LPP: variants seen among roughly 807,000 people sequenced by gnomAD.
LPP encodes lipoma-preferred partner.
LPP carries 38 observed loss-of-function variants against 60.4 expected under a neutral mutation model. The observed-to-expected ratio is 0.63, with a 90% CI of 0.49 to 0.83. The LOEUF is 0.83. LPP is among the 40% of genes least tolerant of loss of function. The pLI is 0.00. For synonymous variants in LPP, 328 were observed against 290.8 expected (o/e 1.13, Z -1.30); for missense variants, 902 against 783.6 (o/e 1.15, Z -1.80).
rs1458850317 is a variant in LPP at position 188,441,390 on chromosome 3, T to A, written c.193+35077T>A. Among the ~76,000 whole-genome samples the A allele has an allele frequency of 3.9e-5, 6 of 152,084 alleles. No homozygotes were observed. The South Asian group carries it at 6.2e-4, about 16-fold the overall frequency. The stretch of plus-strand genomic sequence containing the variant: ...TGAATGTTTATGTATTCTTTTGTAG[T>A]GTTGCTTACGTTTTAAATAAAAATA... On this transcript the variant is annotated intron_variant, in intron 4 of 11. Transcript: ENST00000617246.
chr3:188,243,917 G>T (rs372433698), intron 2 of LPP, among the ~76,000 whole-genome samples: 2 of 151,538 alleles, frequency 1.3e-5, no homozygotes, highest in East Asian at 1.9e-4. Flanking sequence ...GCTCTGTCGC[G>T]CAGGCTGGAG....
rs1805782091 is a variant in LPP at position 188,484,591 on chromosome 3, G to C, written c.194-1G>C. On this transcript the variant is annotated splice_acceptor_variant, in intron 4 of 11. Coordinates refer to ENST00000617246, the MANE Select transcript of LPP (RefSeq NM_001375462.1). LOFTEE classifies it high-confidence loss of function. ...TCATGTTGTTTACTTCTTTTCTGTA[G>C]GTGATTTTCTTCCACCCCCACCTCC... The C allele has an allele frequency of 6.2e-7, 1 of 1,602,922 alleles. No individual in the cohort carries two copies. The highest frequency in any genetic ancestry group is 1.1e-5 in the South Asian group (1 of 90,682).
chr3:188,888,416 C>T lies in LPP; in HGVS notation c.*13937C>T. 1 of 227,088 alleles carries T rather than the reference C, an allele frequency of 4.4e-6. No individual in the cohort carries two copies. 14.1% of individuals were successfully genotyped at this position (227,088 alleles called of 1,614,324 possible). On this transcript the variant is annotated 3_prime_UTR_variant, in exon 12 of 12. Transcript: ENST00000617246. ...GTCACCTTTGAGAAAAACGATTGCA[C>T]CTTCTCCAAGTCTGCCTTTTTAACA...
rs1176939397 is a variant in LPP at position 188,610,847 on chromosome 3, G to A, written c.1113+1003G>A. On this transcript the variant is annotated intron_variant, in intron 7 of 11. Transcript: ENST00000617246. This position sits in a 1 kb window ranked among gnomAD's most constrained non-coding sequence, Gnocchi z 4.4. Reference sequence around the variant, plus strand: ...GTTTCCAGCCACTTGGGTTGGAAGAGTGCCCTTGCTTCTTTTCAGTTAGAA... The same window carrying A: ...GTTTCCAGCCACTTGGGTTGGAAGAATGCCCTTGCTTCTTTTCAGTTAGAA... Among the ~76,000 whole-genome samples the A allele has an allele frequency of 6.6e-6, 1 of 152,196 alleles. No homozygotes were observed. Among genetic ancestry groups the A allele is most frequent in the East Asian group, 1.9e-4 (1 of 5,194 alleles).
At chr3:188,612,579 T>G (rs1382997816) in intron 7 of LPP, among the ~76,000 whole-genome samples, 9 of 152,188 alleles carry the variant, frequency 5.9e-5, no homozygotes, top group Non-Finnish European at 8.8e-5. Flanking sequence ...AATTAATTAA[T>G]GATTGCAAAA....
chr3:188,716,151 T>C (rs558858932), intron 8 of LPP, among the ~76,000 whole-genome samples: 2 of 152,108 alleles, frequency 1.3e-5, no homozygotes, highest in African/African-American at 4.8e-5. Flanking sequence ...TTAGTAGGAG[T>C]TTTTGAGAAT....
chr3:188,479,144 C>CGT (rs1488445740), intron 4 of LPP, among the ~76,000 whole-genome samples: 3 of 152,088 alleles, frequency 2.0e-5, no homozygotes, highest in Non-Finnish European at 4.4e-5. Flanking sequence ...TGTGTGTGTG[C>CGT]GTGTGTGTGT....
At chr3:188,547,807 A>G (rs978096973) in intron 6 of LPP, among the ~76,000 whole-genome samples, 2 of 152,288 alleles carry the variant, frequency 1.3e-5, no homozygotes, top group African/African-American at 4.8e-5. Context: ...GTGAACCTTA[A>G]TAAGAAGTGT....
intron 6 of LPP, among the ~76,000 whole-genome samples, chr3:188,602,107 T>TAC (rs1373802129): frequency 1.4e-4 from 19 of 136,456 alleles, no homozygotes; most frequent in South Asian, 4.5e-4. Context: ...CATATACATA[T>TAC]ACACACACAC....
At chr3:188,540,065 G>C (rs1225192599) in intron 6 of LPP, among the ~76,000 whole-genome samples, 1 of 152,144 alleles carries the variant, frequency 6.6e-6, no homozygotes, top group Non-Finnish European at 1.5e-5. Flanking sequence ...TGTTTCATTT[G>C]TTAAAGTTGT....
At position 188,878,909 on chromosome 3, in the gene LPP, A is replaced by T. The variant is rs78086789; in HGVS notation, c.*4430A>T. On this transcript the variant is annotated 3_prime_UTR_variant, in exon 12 of 12. Coordinates refer to ENST00000617246, the MANE Select transcript of LPP (RefSeq NM_001375462.1). ...AAACATTTTTATGCCAGAAGGTGATATAATGGATGTTAGTGTTTTTTATTT... is the reference window on the plus strand; with the variant it reads ...AAACATTTTTATGCCAGAAGGTGATTTAATGGATGTTAGTGTTTTTTATTT... 0.059 allele frequency: 13,221 copies of T among 224,408 alleles called. 456 individuals carry two copies. The highest frequency in any genetic ancestry group is 0.071 in the Non-Finnish European group (8,017 of 112,564). The allele number at this position is 224,408 out of a possible 1,614,324, so 13.9% of individuals were successfully genotyped here. A position where few individuals can be genotyped will look rare whatever the true frequency, so the allele number is the denominator to read the frequency against.
intron 6 of LPP, among the ~76,000 whole-genome samples, chr3:188,563,994 T>C (rs1267608562): frequency 6.6e-6 from 1 of 151,936 alleles, no homozygotes; most frequent in African/African-American, 2.4e-5. Flanking sequence ...AACAGTCTTG[T>C]TTACTTAAAA....
At chr3:188,382,590 C>G (rs1427524681) in intron 3 of LPP, among the ~76,000 whole-genome samples, 3 of 152,126 alleles carry the variant, frequency 2.0e-5, no homozygotes, top group Non-Finnish European at 2.9e-5. Flanking sequence ...TTTTCCCACT[C>G]TCTGGGTTAA....
chr3:188,231,507 C>G lies in LPP; in HGVS notation c.-67+5980C>G, dbSNP rs55957532. Among the ~76,000 whole-genome samples, 545 of 152,166 alleles carry G rather than the reference C, an allele frequency of 3.6e-3. 3 individuals carry two copies. Among genetic ancestry groups the G allele is most frequent in the Non-Finnish European group, 4.1e-3 (278 of 68,000 alleles). On this transcript the variant is annotated intron_variant, in intron 2 of 11. Transcript: ENST00000617246. Reference sequence around the variant, plus strand: ...CAAGTTTTCAATTCATGCCGTGTTCCCTTACCTCTGTATTTTTGCCCTCCT... The same window carrying G: ...CAAGTTTTCAATTCATGCCGTGTTCGCTTACCTCTGTATTTTTGCCCTCCT...
At chr3:188,565,141 A>G (rs1831821387) in intron 6 of LPP, among the ~76,000 whole-genome samples, 1 of 151,938 alleles carries the variant, frequency 6.6e-6, no homozygotes, top group Admixed American at 6.6e-5. Flanking sequence ...GTTTGGGTTC[A>G]ATGTCTGATC....
intron 2 of LPP, among the ~76,000 whole-genome samples, chr3:188,277,764 CT>C (rs1740495658): frequency 6.6e-6 from 1 of 152,160 alleles, no homozygotes; most frequent in Admixed American, 6.5e-5. Flanking sequence ...CAGTCCTAGA[CT>C]TCAGTGGCTC....
At chr3:188,301,631 A>G (rs868504300) in intron 2 of LPP, among the ~76,000 whole-genome samples, 3 of 152,012 alleles carry the variant, frequency 2.0e-5, no homozygotes, top group African/African-American at 7.2e-5. Context: ...TACAATTGCC[A>G]TCTCTCCAAA....
At chr3:188,522,827 G>GTGTGTA in intron 5 of LPP, among the ~76,000 whole-genome samples, 1 of 143,026 alleles carries the variant, frequency 7.0e-6, no homozygotes, top group East Asian at 2.2e-4. Context: ...GTGTATGTGT[G>GTGTGTA]TGTGTATGTG....
chr3:188,666,074 T>C (rs967398855), intron 7 of LPP, among the ~76,000 whole-genome samples: 2 of 152,238 alleles, frequency 1.3e-5, no homozygotes, highest in African/African-American at 4.8e-5. Flanking sequence ...ATACTAACTT[T>C]GCCAGATACT....
Sources: allele counts gnomAD v4.1 joint callset (sites outside exome capture counted in the v4.1 genomes callset), GRCh38; gene constraint gnomAD v4.1.1; non-coding constraint Gnocchi (gnomAD v3.1); transcripts MANE v1.5; gene names NCBI Gene and HGNC (gene_info 2026-07-23, HGNC 2026-07-21).